DNAH5: variants seen among roughly 807,000 people sequenced by gnomAD.
The protein encoded by DNAH5 is axonemal beta dynein heavy chain 5.
In DNAH5, 372 loss-of-function variants were observed where a neutral mutation model predicts 518.2. The observed-to-expected ratio is 0.72, with a 90% CI of 0.66 to 0.78. The LOEUF (loss-of-function observed/expected upper bound fraction) is 0.78, where lower values mean the gene tolerates loss of function less well. Ranked by LOEUF, DNAH5 falls within the 30% of genes least tolerant of loss-of-function variation. The pLI, the probability that DNAH5 is intolerant of heterozygous loss-of-function variation, is 0.00. For synonymous variants in DNAH5, 2,039 were observed against 2,025.9 expected (o/e 1.01, Z -0.17); for missense variants, 5,523 against 5,687.0 (o/e 0.97, Z 0.93).
chr5:13,972,631 T>G (rs1359576129), intron 1 of DNAH5, among the ~76,000 whole-genome samples: 5 of 152,176 alleles, frequency 3.3e-5, no homozygotes, highest in African/African-American at 1.2e-4. Flanking sequence ...TGAGGATGAG[T>G]GCTCGGGAGC....
chr5:13,869,995 T>A (rs974254697), intron 24 of DNAH5, among the ~76,000 whole-genome samples: 6 of 152,110 alleles, frequency 3.9e-5, no homozygotes, highest in African/African-American at 1.4e-4. Flanking sequence ...TTACACTATG[T>A]ATGTTGATAA....
At chr5:13,863,853 G>A (rs569556170) in intron 28 of DNAH5, among the ~76,000 whole-genome samples, 1 of 152,100 alleles carries the variant, frequency 6.6e-6, no homozygotes, top group Non-Finnish European at 1.5e-5. Context: ...CACCTCCCTG[G>A]CCTCTGCTGT....
rs548362626 is a variant in DNAH5, at chr5:13,768,435, C to T, written c.9897+525G>A. Among the ~76,000 whole-genome samples, 259 of 152,280 alleles carry T rather than the reference C, an allele frequency of 1.7e-3. 1 individual carries two copies. The highest frequency in any genetic ancestry group is 6.0e-3 in the African/African-American group (251 of 41,558). ...AACGTCTTTTGTTTATAAATTACCC[C>T]GTCTCAGGTAACATCTTTATACAGT... On this transcript the variant is annotated intron_variant, in intron 58 of 78. Coordinates refer to ENST00000265104, the MANE Select transcript of DNAH5 (RefSeq NM_001369.3).
intron 44 of DNAH5, among the ~76,000 whole-genome samples, chr5:13,811,348 A>G (rs958617246): frequency 3.3e-5 from 5 of 152,240 alleles, no homozygotes; most frequent in African/African-American, 1.2e-4. Context: ...ATTAAAAATT[A>G]AAACACACAC....
intron 71 of DNAH5, 58 bp downstream of exon 71, chr5:13,720,942 C>G: frequency 6.2e-7 from 1 of 1,611,308 alleles, no homozygotes; most frequent in Non-Finnish European, 8.5e-7. Flanking sequence ...TTCTGCATTG[C>G]TATTCTATAA....
chr5:13,771,889 T>C (rs1753391840), intron 55 of DNAH5, among the ~76,000 whole-genome samples: 1 of 152,170 alleles, frequency 6.6e-6, no homozygotes, highest in African/African-American at 2.4e-5. Flanking sequence ...GGCAAAGACA[T>C]ACAAATAGTA....
chr5:13,725,479 C>A (rs1463669866), intron 70 of DNAH5, among the ~76,000 whole-genome samples: 1 of 152,182 alleles, frequency 6.6e-6, no homozygotes, highest in Non-Finnish European at 1.5e-5. Context: ...GCACAGCCTG[C>A]CAGCCTTTAA....
rs1760372039 is a variant in DNAH5, at chr5:13,810,086, C to T, written c.7582G>A (p.Ala2528Thr). Reference protein sequence around the residue: ...LPPPAGPGDTAFDYYVAPDGT... With the variant: ...LPPPAGPGDTTFDYYVAPDGT... The stretch of plus-strand genomic sequence containing the variant: ...TCGGGCGCCACATAGTAGTCGAAGG[C>T]GGTGTCCCCGGGCCCCGCTGGCGGC... Residue 2528 changes from alanine to threonine, a missense_variant, in exon 45 of 79, where the codon GCC becomes ACC. Ala to Thr is a moderately conservative substitution (Grantham distance 58). Coordinates refer to ENST00000265104, the MANE Select transcript of DNAH5 (RefSeq NM_001369.3). 1 of 1,552,748 alleles carries T rather than the reference C, an allele frequency of 6.4e-7. No homozygotes were observed. The highest frequency in any genetic ancestry group is 8.7e-7 in the Non-Finnish European group (1 of 1,148,500).
In DNAH5 at chr5:13,820,423, C is replaced by T. The variant is rs1317585354; in HGVS notation, c.6764G>A (p.Arg2255Gln). 3.1e-6 allele frequency: 5 copies of T among 1,613,844 alleles called. No individual in the cohort carries two copies. Among genetic ancestry groups the T allele is most frequent in the Non-Finnish European group, 4.2e-6 (5 of 1,180,018 alleles). Residue 2255 changes from arginine to glutamine, a missense_variant, in exon 41 of 79, where the codon CGA (arginine) becomes CAA (glutamine). By Grantham distance (43) the Arg-to-Gln change is conservative. Transcript: ENST00000265104. The part of the protein sequence containing the change: ...VIQLFETQRV[R>Q]HGMMTLGPSG... ...GGGCCCCAGAGTCATCATCCCATGT[C>T]GCACTCTCTGCGTTTCGAATAGCTG...
intron 35 of DNAH5, among the ~76,000 whole-genome samples, chr5:13,833,272 C>T (rs1286934212): frequency 1.3e-5 from 2 of 152,050 alleles, no homozygotes; most frequent in African/African-American, 4.8e-5. Context: ...AATTCCATCT[C>T]TACTAAAAAT....
At chr5:13,703,522 T>C (rs1344168470) in intron 76 of DNAH5, among the ~76,000 whole-genome samples, 1 of 152,206 alleles carries the variant, frequency 6.6e-6, no homozygotes, top group Non-Finnish European at 1.5e-5. Context: ...TCAGCATCCA[T>C]GTGAATGATG....
intron 21 of DNAH5, among the ~76,000 whole-genome samples, chr5:13,878,771 G>A (rs1210564099): frequency 1.3e-5 from 2 of 152,144 alleles, no homozygotes; most frequent in Non-Finnish European, 2.9e-5. Context: ...CAGTTATCTC[G>A]CCAGAATCAG....
intron 68 of DNAH5, among the ~76,000 whole-genome samples, chr5:13,733,075 T>C (rs6887760): frequency 0.57 from 86,369 of 151,944 alleles, 24,702 homozygotes; most frequent in East Asian, 0.62. Context: ...ATGAAGATAA[T>C]ATGATGGCCA....
At chr5:13,854,623 A>G (rs1218149039) in intron 30 of DNAH5, among the ~76,000 whole-genome samples, 4 of 152,200 alleles carry the variant, frequency 2.6e-5, no homozygotes, top group Non-Finnish European at 4.4e-5. Flanking sequence ...CAGGAGACCC[A>G]TCTCACGTGC....
In DNAH5 at chr5:13,716,536, T is replaced by C. The variant is rs755100766; in HGVS notation, c.12860A>G (p.Tyr4287Cys). ...FGPDFSFYQG[Y>C]NIPKCSTVDN... The stretch of plus-strand genomic sequence containing the variant: ...CACTGTGCTGCATTTTGGAATATTG[T>C]ATCCTTGGTAAAAACTGAAATCTGG... The change falls in exon 74 of 79, where the codon TAC (tyrosine) becomes TGC (cysteine). Residue 4287 changes from tyrosine to cysteine, a missense_variant. Tyr to Cys is a radical substitution (Grantham distance 194, BLOSUM62 -2). Around this residue, in one of 3 missense-constraint regions of DNAH5, gnomAD observed 387 missense variants for 430.0 expected, o/e 0.90. Transcript: ENST00000265104. 4 of 1,613,996 alleles carry C rather than the reference T, an allele frequency of 2.5e-6. No homozygotes were observed. In the South Asian group the frequency reaches 3.3e-5, roughly 13 times the overall value.
exon 1 of DNAH5, among the ~76,000 whole-genome samples, chr5:14,011,702 C>T (rs918811257): frequency 6.6e-6 from 1 of 152,130 alleles, no homozygotes; most frequent in Admixed American, 6.5e-5. Flanking sequence ...TAGCGCTCCC[C>T]CGGTGCAGGG....
At chr5:13,699,706 T>C (rs1386040690) in intron 78 of DNAH5, among the ~76,000 whole-genome samples, 1 of 152,180 alleles carries the variant, frequency 6.6e-6, no homozygotes. Context: ...AGAACAAGAC[T>C]CTGTCTCATA....
chr5:13,892,603 A>C, intron 16 of DNAH5, among the ~76,000 whole-genome samples: 1 of 152,232 alleles, frequency 6.6e-6, no homozygotes, highest in Non-Finnish European at 1.5e-5. Context: ...AAGTTTCTCT[A>C]GAAACTAGTT....
At chr5:13,753,141 G>A (rs1750484309) in intron 63 of DNAH5, 92 bp downstream of exon 63, 1 of 914,072 alleles carries the variant, frequency 1.1e-6, no homozygotes, top group Non-Finnish European at 1.8e-6. Context: ...AACATCTCTA[G>A]TGTTTTCAAA....
Sources: gnomAD v4.1 joint callset for allele counts (sites outside exome capture counted in the v4.1 genomes callset) on GRCh38, gnomAD v4.1.1 for gene constraint, gnomAD v4.1.1 regional missense constraint, MANE v1.5 for transcripts, NCBI Gene and HGNC (gene_info 2026-07-23, HGNC 2026-07-21) for gene names.